The following BAZ2A variants were observed in gnomAD, a reference collection of about 807,000 sequenced individuals.
BAZ2A encodes bromodomain adjacent to zinc finger domain protein 2A.
Under a neutral mutation model 199.9 loss-of-function variants are expected in BAZ2A, and 34 were observed. The ratio of observed to expected loss-of-function variants is 0.17; its 90% CI spans 0.13 to 0.23. BAZ2A has a LOEUF of 0.23. BAZ2A is among the 10% of genes least tolerant of loss of function. The pLI is 1.00. For synonymous variants in BAZ2A, 857 were observed against 883.9 expected (o/e 0.97, Z 0.54); for missense variants, 2,002 against 2,391.1 (o/e 0.84, Z 3.39).
At chr12:56,606,419 G>T in intron 11 of BAZ2A, 107 bp from the exon 12 acceptor site, 1 of 1,364,668 alleles carries the variant, frequency 7.3e-7, no homozygotes, top group Non-Finnish European at 1.0e-6. Context: ...GTGAGAGATG[G>T]AATGAGGGGT....
At chr12:56,619,049 A>G (rs1378352725) in intron 1 of BAZ2A, among the ~76,000 whole-genome samples, 1 of 152,046 alleles carries the variant, frequency 6.6e-6, no homozygotes, top group Non-Finnish European at 1.5e-5. Context: ...TTTTAAAAGT[A>G]GCAGGGTGTG....
intron 13 of BAZ2A, 39 bp from the exon 14 acceptor site, chr12:56,605,366 T>G: frequency 1.3e-6 from 2 of 1,541,830 alleles, no homozygotes; most frequent in Non-Finnish European, 1.8e-6. Flanking sequence ...CTGTTAAACA[T>G]AACAGAAGAT....
At chr12:56,600,528 G>A in intron 23 of BAZ2A, 38 bp from the exon 24 acceptor site, 1 of 1,587,508 alleles carries the variant, frequency 6.3e-7, no homozygotes, top group Non-Finnish European at 8.6e-7. Context: ...CACTGTAAAA[G>A]GAGGAAAATT....
intron 14 of BAZ2A, 54 bp downstream of exon 14, chr12:56,605,015 CTAAG>C: frequency 6.6e-7 from 1 of 1,517,010 alleles, no homozygotes; most frequent in Non-Finnish European, 8.8e-7. Context: ...AAGAGAAACA[CTAAG>C]TAGTTACATC....
At chr12:56,608,955 C>CTTCA (rs1440396853) in intron 10 of BAZ2A, among the ~76,000 whole-genome samples, 2 of 142,008 alleles carry the variant, frequency 1.4e-5, no homozygotes, top group Non-Finnish European at 3.0e-5. Flanking sequence ...CTTACTGAAA[C>CTTCA]CTCCACCTCC....
At position 56,630,205 on chromosome 12, in the gene BAZ2A, C is replaced by T. The variant is rs888905479; in HGVS notation, c.-83G>A. The T allele has an allele frequency of 8.1e-6, 8 of 985,588 alleles. No homozygotes were observed. The highest frequency in any genetic ancestry group is 9.6e-6 in the Non-Finnish European group (8 of 830,030). 61.1% of individuals were successfully genotyped at this position (985,588 alleles called of 1,614,324 possible). On this transcript the variant is annotated 5_prime_UTR_variant, in exon 1 of 29. Coordinates refer to ENST00000549884, the MANE Select transcript of BAZ2A (RefSeq NM_001300905.2). ...GGTTCACATGGCCGCGCTCCGGGCGCCAGAACGGGTGGAGACGCCCGCTGG... is the reference window on the plus strand; with the variant it reads ...GGTTCACATGGCCGCGCTCCGGGCGTCAGAACGGGTGGAGACGCCCGCTGG...
chr12:56,622,333 C>T (rs1036982358), intron 1 of BAZ2A, among the ~76,000 whole-genome samples: 8 of 151,496 alleles, frequency 5.3e-5, no homozygotes, highest in Non-Finnish European at 2.9e-5. Context: ...GAGCAACACT[C>T]TATCTCCAAA....
At chr12:56,626,727 T>C (rs1190998342) in intron 1 of BAZ2A, among the ~76,000 whole-genome samples, 20 of 152,254 alleles carry the variant, frequency 1.3e-4, no homozygotes, top group Non-Finnish European at 2.9e-5. Context: ...AGCTTTTCTT[T>C]TAAAAGTCCA....
intron 10 of BAZ2A, 102 bp from the exon 11 acceptor site, chr12:56,606,835 T>C (rs1592573920): frequency 3.4e-6 from 3 of 892,154 alleles, no homozygotes. Flanking sequence ...CCCAAGCAGC[T>C]CCCTGAAGAA....
intron 13 of BAZ2A, 55 bp from the exon 14 acceptor site, chr12:56,605,382 T>A: frequency 6.7e-7 from 1 of 1,499,440 alleles, no homozygotes. Flanking sequence ...AAGATGACAA[T>A]TTGCATGTCT....
chr12:56,612,058 C>T lies in BAZ2A; in HGVS notation c.1324G>A (p.Ala442Thr). The change falls in exon 6 of 29, where the codon GCA (alanine) becomes ACA (threonine). Residue 442 changes from alanine (A) to threonine (T), a missense_variant. Physicochemically the swap from Ala to Thr is moderately conservative, Grantham distance 58. Around this residue, in one of 6 missense-constraint regions of BAZ2A, gnomAD observed 641 missense variants for 694.5 expected, o/e 0.92. Coordinates refer to ENST00000549884, the MANE Select transcript of BAZ2A (RefSeq NM_001300905.2). ...TCTGGAGAGATTTCTGGGGAGGCTGCTGGAGAAACCACTAGGGAGACTGCT... is the reference window on the plus strand; with the variant it reads ...TCTGGAGAGATTTCTGGGGAGGCTGTTGGAGAAACCACTAGGGAGACTGCT... ...SPAVSLVVSP[A>T]ASPEISPEVC... 1 of 1,613,554 alleles carries T rather than the reference C, an allele frequency of 6.2e-7. No homozygotes were observed. The highest frequency in any genetic ancestry group is 1.3e-5 in the African/African-American group (1 of 74,856).
chr12:56,600,692 G>C lies in BAZ2A; in HGVS notation c.4591C>G (p.Leu1531Val). The change falls in exon 23 of 29, where the codon CTG becomes GTG. Residue 1531 changes from leucine to valine, a missense_variant. Transcript: ENST00000549884. ...ELEQRVIMSD[L>V]QIRGWTCPSP... is the part of the protein sequence containing the mutation. ...CAATCCCAGCATACCCGAATCTGCA[G>C]ATCAGACATGATAACCCGCTGCTCC... is the stretch of plus-strand genomic sequence containing the variant. 1.2e-6 allele frequency: 2 copies of C among 1,613,112 alleles called. No homozygotes were observed. The highest frequency in any genetic ancestry group is 1.7e-6 in the Non-Finnish European group (2 of 1,179,774).
At chr12:56,600,548 A>G in intron 23 of BAZ2A, 58 bp from the exon 24 acceptor site, 7 of 1,215,920 alleles carry the variant, frequency 5.8e-6, no homozygotes, top group East Asian at 2.6e-5. Flanking sequence ...TTGGCATAGG[A>G]AAAAAAAAAA....
At chr12:56,607,057 C>G (rs1383878157) in intron 10 of BAZ2A, among the ~76,000 whole-genome samples, 1 of 152,136 alleles carries the variant, frequency 6.6e-6, no homozygotes, top group Non-Finnish European at 1.5e-5. Context: ...GAGCCAATCT[C>G]TCTCCCAGGA....
chr12:56,624,372 A>C (rs966575896), intron 1 of BAZ2A, among the ~76,000 whole-genome samples: 2 of 152,214 alleles, frequency 1.3e-5, no homozygotes, highest in Non-Finnish European at 2.9e-5. Flanking sequence ...AGAAGAATTC[A>C]AAGATGACTG....
chr12:56,611,878 C>T lies in BAZ2A; in HGVS notation c.1504G>A (p.Ala502Thr), dbSNP rs1950568917. The T allele has an allele frequency of 6.2e-7, 1 of 1,604,174 alleles. No homozygotes were observed. Among genetic ancestry groups the T allele is most frequent in the Admixed American group, 1.7e-5 (1 of 58,644 alleles). ...TTTGCTGGGGAGGCTGTTGGAAAGG[C>T]AGCTGCTGGGGAAGTTACGGGAGAG... is the stretch of plus-strand genomic sequence containing the variant. ...KASPVTSPAAAFPTASPANKD... is the reference protein window; with the variant it reads ...KASPVTSPAATFPTASPANKD... The change falls in exon 6 of 29, where the codon GCC becomes ACC. Residue 502 changes from alanine to threonine, a missense_variant. By Grantham distance (58) the Ala-to-Thr change is moderately conservative (BLOSUM62 0). This residue lies in a region of BAZ2A where 641 missense variants were observed against 694.5 expected (regional missense o/e 0.92). Coordinates refer to ENST00000549884, the MANE Select transcript of BAZ2A (RefSeq NM_001300905.2).
rs1430516961 is a variant in BAZ2A at position 56,597,342 on chromosome 12, C to A, written c.*1276G>T. 6.6e-6 allele frequency: 1 copy of A among 152,280 alleles called. No individual in the cohort carries two copies. The highest frequency in any genetic ancestry group is 6.6e-5 in the Admixed American group (1 of 15,250). The allele number at this position is 152,280 out of a possible 1,614,324, so 9.4% of individuals were successfully genotyped here. A position where few individuals can be genotyped will look rare whatever the true frequency, so the allele number is the denominator to read the frequency against. The stretch of plus-strand genomic sequence containing the variant: ...CGTAGAAGCTTAAGATTCAAAGCTA[C>A]CGAGAAGAGAGGGAGTTCCTGCTGA... On this transcript the variant is annotated 3_prime_UTR_variant, in exon 29 of 29. Transcript: ENST00000549884.
intron 1 of BAZ2A, chr12:56,636,162 GGGCT>G: frequency 6.3e-7 from 1 of 1,588,986 alleles, no homozygotes. Context: ...GCCTTCCCCG[GGGCT>G]GGTCCCCATA....
upstream of BAZ2A, among the ~76,000 whole-genome samples, chr12:56,631,073 A>G (rs1158376115): frequency 2.0e-5 from 3 of 152,222 alleles, no homozygotes; most frequent in African/African-American, 4.8e-5. Flanking sequence ...AATCTAGCAG[A>G]GGACTAGAGT....
Sources: allele counts gnomAD v4.1 joint callset (sites outside exome capture counted in the v4.1 genomes callset), GRCh38; gene constraint gnomAD v4.1.1; regional missense constraint gnomAD v4.1.1; transcripts MANE v1.5; gene names NCBI Gene and HGNC (gene_info 2026-07-23, HGNC 2026-07-21).